DNAH11: variants seen among roughly 807,000 people sequenced by gnomAD.
The protein encoded by DNAH11 is dynein axonemal heavy chain 11.
A neutral mutation model predicts 526.0 loss-of-function variants in DNAH11; 442 were observed. The observed-to-expected ratio is 0.84, with a 90% CI of 0.78 to 0.91. The LOEUF is 0.91. Ranked by LOEUF, DNAH11 falls within the 40% of genes least tolerant of loss-of-function variation. The pLI is 0.00. For missense variants in DNAH11, 6,989 were observed against 5,448.7 expected (o/e 1.28, Z -8.90); for synonymous variants, 2,461 against 1,935.9 (o/e 1.27, Z -7.12).
rs886038471 is a variant in DNAH11, at chr7:21,711,766, C to T, written c.6889C>T (p.Leu2297=). 6.2e-7 allele frequency: 1 copy of T among 1,613,888 alleles called. No homozygotes were observed. The highest frequency in any genetic ancestry group is 8.5e-7 in the Non-Finnish European group (1 of 1,179,816). The change falls in exon 42 of 82, where the codon CTG becomes TTG. Residue 2297 remains leucine, a synonymous_variant. Coordinates refer to ENST00000409508, the MANE Select transcript of DNAH11 (RefSeq NM_001277115.2). ...TGCACTCACTCCCTTCATGAGGCTTCTGTTTGAGATACATCACTTAAGGAG... is the reference window on the plus strand; with the variant it reads ...TGCACTCACTCCCTTCATGAGGCTTTTGTTTGAGATACATCACTTAAGGAG... The part of the protein sequence containing the change: ...RIALTPFMRL[L]FEIHHLRSAT...
At chr7:21,858,336 C>G (rs939000304) in intron 68 of DNAH11, among the ~76,000 whole-genome samples, 1 of 152,126 alleles carries the variant, frequency 6.6e-6, no homozygotes, top group African/African-American at 2.4e-5. Context: ...GATAAATATA[C>G]AGTTAGAAAA....
intron 31 of DNAH11, 184 bp downstream of exon 31, chr7:21,681,861 C>A: frequency 1.3e-6 from 1 of 779,500 alleles, no homozygotes; most frequent in Non-Finnish European, 2.2e-6. Flanking sequence ...TCTGATGAGA[C>A]CTATTCCAAG....
chr7:21,710,793 G>T, intron 41 of DNAH11, 90 bp downstream of exon 41: 1 of 1,301,718 alleles, frequency 7.7e-7, no homozygotes, highest in Non-Finnish European at 1.0e-6. Flanking sequence ...ACTAGTTTTT[G>T]CTCATTAACC....
intron 79 of DNAH11, among the ~76,000 whole-genome samples, chr7:21,898,412 C>A (rs573135793): frequency 1.3e-5 from 2 of 152,168 alleles, no homozygotes; most frequent in Non-Finnish European, 2.9e-5. Flanking sequence ...GTATCTCAGG[C>A]AGACATGTTC....
At chr7:21,727,919 G>A (rs901768177) in intron 45 of DNAH11, among the ~76,000 whole-genome samples, 4 of 152,308 alleles carry the variant, frequency 2.6e-5, no homozygotes, top group African/African-American at 4.8e-5. Context: ...GATAGGCATC[G>A]CTTGCCGTGA....
chr7:21,840,491 T>C (rs1183321195), intron 65 of DNAH11, among the ~76,000 whole-genome samples: 2 of 152,202 alleles, frequency 1.3e-5, no homozygotes, highest in East Asian at 3.9e-4. Context: ...CGAGACTGTT[T>C]GCTGCAGCCA....
rs773598960 is a variant in DNAH11 at position 21,861,814 on chromosome 7, C to A, written c.11203-39C>A. The A allele has an allele frequency of 2.5e-6, 4 of 1,607,312 alleles. No individual in the cohort carries two copies. In the South Asian group the frequency reaches 4.5e-5, roughly 18 times the overall value. ...TCGGGGGTAGCTAGACATCCAGGCA[C>A]CAGTTGTCACATTTTAATGGTCACA... On this transcript the variant is annotated intron_variant, in intron 68 of 81. Coordinates refer to ENST00000409508, the MANE Select transcript of DNAH11 (RefSeq NM_001277115.2).
rs58030631 is a variant in DNAH11 at position 21,669,657 on chromosome 7, TTG to T, written c.5328+10646_5328+10647del. On this transcript the variant is annotated intron_variant, in intron 30 of 81. Transcript: ENST00000409508. The stretch of plus-strand genomic sequence containing the variant: ...TGTCTTTTTAAAAATGTTTTTCTTT[TTG>T]TGTGTGTGTGTGTGTGTGTATGAGA... Among the ~76,000 whole-genome samples the T allele has an allele frequency of 4.2e-3, 623 of 149,852 alleles. 5 individuals carry two copies. The highest frequency in any genetic ancestry group is 0.012 in the African/African-American group (495 of 40,818).
At position 21,891,069 on chromosome 7, in the gene DNAH11, ATG is replaced by A. The variant is rs1245377719; in HGVS notation, c.12508-1355_12508-1354del. Among the ~76,000 whole-genome samples, 10 of 114,920 alleles carry A rather than the reference ATG, an allele frequency of 8.7e-5. No individual in the cohort carries two copies. In the East Asian group the frequency reaches 3.9e-3, roughly 45 times the overall value. The allele number at this position is 114,920 out of a possible 152,430, so 75.4% of individuals were successfully genotyped here. On this transcript the variant is annotated intron_variant, in intron 76 of 81. Coordinates refer to ENST00000409508, the MANE Select transcript of DNAH11 (RefSeq NM_001277115.2). ...GAAAGAGAAAACCACTGTTACACAC[ATG>A]ATTGTGTGGAAATTCACACTTACTT...
chr7:21,690,921 A>C, intron 35 of DNAH11, 40 bp downstream of exon 35: 3 of 1,427,670 alleles, frequency 2.1e-6, no homozygotes, highest in East Asian at 2.3e-5. Flanking sequence ...TGGTGCACTC[A>C]TGCCACCTAA....
chr7:21,864,477 C>T, intron 69 of DNAH11, 58 bp from the exon 70 acceptor site: 1 of 1,570,350 alleles, frequency 6.4e-7, no homozygotes, highest in Non-Finnish European at 8.6e-7. Context: ...TGACTACTTC[C>T]TGTGTGACGA....
intron 2 of DNAH11, among the ~76,000 whole-genome samples, chr7:21,552,842 T>C (rs1277769001): frequency 1.3e-5 from 2 of 152,102 alleles, no homozygotes; most frequent in South Asian, 2.1e-4. Flanking sequence ...CTTATGTTCA[T>C]AGGGTATCTT....
In DNAH11 at chr7:21,744,615, TC is replaced by T. The variant is rs748845778; in HGVS notation, c.8316+17del. On this transcript the variant is annotated intron_variant, in intron 50 of 81. Coordinates refer to ENST00000409508, the MANE Select transcript of DNAH11 (RefSeq NM_001277115.2). ...ATATTTTGAAGTAAGCGTATGAATG[TC>T]AGAGGTCACTACTTACTCCAACACC... The T allele has an allele frequency of 8.4e-5, 135 of 1,611,330 alleles. No individual in the cohort carries two copies. The highest frequency in any genetic ancestry group is 1.2e-4 in the Admixed American group (7 of 59,368).
chr7:21,570,029 A>C (rs1783823465), intron 6 of DNAH11, 40 bp from the exon 7 acceptor site: 1 of 1,446,770 alleles, frequency 6.9e-7, no homozygotes, highest in African/African-American at 1.4e-5. Flanking sequence ...AAAACTGTTA[A>C]ACATAGTTTT....
At position 21,786,766 on chromosome 7, in the gene DNAH11, A is replaced by G; in HGVS notation, c.9740A>G (p.Lys3247Arg). The G allele has an allele frequency of 6.2e-7, 1 of 1,613,784 alleles. No individual in the cohort carries two copies. The highest frequency in any genetic ancestry group is 1.3e-5 in the African/African-American group (1 of 75,076). Residue 3247 changes from lysine (K) to arginine (R), a missense_variant and splice_region_variant, in exon 59 of 82, where the codon AAG becomes AGG. By Grantham distance (26) the Lys-to-Arg change is conservative. Transcript: ENST00000409508. ...SWKAAKVFMGKVDDFLQALIN... is the reference protein window; with the variant it reads ...SWKAAKVFMGRVDDFLQALIN... ...AAAGCAGCTAAAGTCTTCATGGGAA[A>G]GGTATCAGCCCAGCCTGGCAAGATG...
chr7:21,850,172 C>T (rs370345255), intron 66 of DNAH11, among the ~76,000 whole-genome samples: 22 of 149,234 alleles, frequency 1.5e-4, no homozygotes, highest in African/African-American at 5.3e-4. Flanking sequence ...CTGGCTAACA[C>T]GGTGAAACCC....
chr7:21,561,642 A>G (rs929115939), intron 5 of DNAH11, among the ~76,000 whole-genome samples: 1 of 152,162 alleles, frequency 6.6e-6, no homozygotes, highest in African/African-American at 2.4e-5. Flanking sequence ...CTTTGAATAG[A>G]CAATGCATGC....
intron 28 of DNAH11, among the ~76,000 whole-genome samples, chr7:21,652,239 G>A (rs1430193109): frequency 6.6e-6 from 1 of 152,176 alleles, no homozygotes; most frequent in Non-Finnish European, 1.5e-5. Context: ...AGATGTACCA[G>A]AGGAAGTGAT....
intron 76 of DNAH11, among the ~76,000 whole-genome samples, chr7:21,890,143 G>A (rs568962346): frequency 9.5e-4 from 144 of 152,246 alleles, no homozygotes; most frequent in Admixed American, 2.0e-3. Context: ...GCTGTTATGA[G>A]CAATATTTTA....
Sources: gnomAD v4.1 joint callset for allele counts (sites outside exome capture counted in the v4.1 genomes callset) on GRCh38, gnomAD v4.1.1 for gene constraint, MANE v1.5 for transcripts, NCBI Gene and HGNC (gene_info 2026-07-23, HGNC 2026-07-21) for gene names.